Variants in BRPF3 observed in about 807,000 individuals in gnomAD.
BRPF3 encodes bromodomain and PHD finger-containing protein 3.
A neutral mutation model predicts 102.0 loss-of-function variants in BRPF3; 18 were observed. The ratio of observed to expected loss-of-function variants is 0.18; its 90% CI spans 0.12 to 0.26. The LOEUF is 0.26. Ranked by LOEUF, BRPF3 falls within the 10% of genes least tolerant of loss-of-function variation. BRPF3 has a pLI of 1.00. For synonymous variants in BRPF3, 570 were observed against 614.2 expected, an observed-to-expected ratio of 0.93 and a Z score of 1.06; for missense variants, 1,147 against 1,567.8, an observed-to-expected ratio of 0.73 and a Z score of 4.53.
intron 7 of BRPF3, 34 bp downstream of exon 7, chr6:36,211,594 AG>A (rs1332355864): frequency 1.9e-6 from 3 of 1,540,502 alleles, no homozygotes; most frequent in Non-Finnish European, 2.6e-6. Context: ...AGGGGGTTGG[AG>A]GGTAAAGAGG....
At position 36,210,594 on chromosome 6, in the gene BRPF3, G is replaced by GT; in HGVS notation, c.2179+67dup. ...GAGGCACAGGAACAGAGTCTACAGAGTGAGGGATCAGGGTGGTCCTTGGGG... is the reference window on the plus strand; with the variant it reads ...GAGGCACAGGAACAGAGTCTACAGAGTTGAGGGATCAGGGTGGTCCTTGGGG... On this transcript the variant is annotated intron_variant, in intron 6 of 12. Transcript: ENST00000357641. The surrounding 1 kb of genome is among the most constrained non-coding windows in gnomAD (Gnocchi z 4.7). The GT allele has an allele frequency of 6.8e-7, 1 of 1,473,702 alleles. No homozygotes were observed. Among genetic ancestry groups the GT allele is most frequent in the East Asian group, 2.3e-5 (1 of 44,008 alleles). 91.3% of individuals were successfully genotyped at this position (1,473,702 alleles called of 1,614,324 possible). A position where few individuals can be genotyped will look rare whatever the true frequency, so the allele number is the denominator to read the frequency against.
In BRPF3 at chr6:36,214,145, C is replaced by T. The variant is rs904675039; in HGVS notation, c.2748C>T (p.Ala916=). Reference sequence around the variant, plus strand: ...CCCTCATGGCCCCTGACACCCCGGCCGGTACCCCACTTAGTGGTGTGGGTC... The same window carrying T: ...CCCTCATGGCCCCTGACACCCCGGCTGGTACCCCACTTAGTGGTGTGGGTC... ...RLSLMAPDTP[A]GTPLSGVGRR... is the part of the protein sequence containing the mutation. Residue 916 remains alanine, a synonymous_variant, in exon 8 of 13, where the codon GCC becomes GCT. Transcript: ENST00000357641. 2.1e-5 allele frequency: 34 copies of T among 1,614,106 alleles called. No individual in the cohort carries two copies. Among genetic ancestry groups the T allele is most frequent in the Middle Eastern group, 1.6e-4 (1 of 6,084 alleles).
intron 7 of BRPF3, among the ~76,000 whole-genome samples, chr6:36,212,245 C>A (rs910775186): frequency 2.8e-4 from 43 of 152,306 alleles, no homozygotes; most frequent in African/African-American, 8.9e-4. Flanking sequence ...TCTCATTCTT[C>A]TCCTTCACTG....
Position 36,201,889 on chromosome 6 carries a change from A to T in BRPF3, c.1448+119A>T. On this transcript the variant is annotated intron_variant, in intron 2 of 12. Coordinates refer to ENST00000357641, the MANE Select transcript of BRPF3 (RefSeq NM_015695.3). The surrounding 1 kb of genome is among the most constrained non-coding windows in gnomAD (Gnocchi z 5.1). ...ACTATATCCTCCTCCCCGAATTTAA[A>T]CTCTTCCTTTTGACCCCAGGCTCAC... is the stretch of plus-strand genomic sequence containing the variant. 7.1e-7 allele frequency: 1 copy of T among 1,410,136 alleles called. No individual in the cohort carries two copies. The highest frequency in any genetic ancestry group is 9.4e-7 in the Non-Finnish European group (1 of 1,060,108). The allele number at this position is 1,410,136 out of a possible 1,614,324, so 87.4% of individuals were successfully genotyped here.
intron 9 of BRPF3, among the ~76,000 whole-genome samples, chr6:36,219,301 C>T (rs1768447907): frequency 6.6e-6 from 1 of 152,016 alleles, no homozygotes; most frequent in African/African-American, 2.4e-5. Context: ...TTGCAGCCTC[C>T]AGAGATATAG....
At chr6:36,207,682 C>A (rs1767953909) in intron 4 of BRPF3, among the ~76,000 whole-genome samples, 1 of 152,166 alleles carries the variant, frequency 6.6e-6, no homozygotes, top group Non-Finnish European at 1.5e-5. Context: ...TATCATATGC[C>A]TGGGCCTGTC....
intron 7 of BRPF3, among the ~76,000 whole-genome samples, chr6:36,213,436 G>A (rs895969263): frequency 2.0e-5 from 3 of 152,174 alleles, no homozygotes; most frequent in African/African-American, 2.4e-5. Context: ...GCTCATCCCT[G>A]TAATCTCAGC....
chr6:36,227,413 A>T (rs1394875918), intron 11 of BRPF3, among the ~76,000 whole-genome samples: 2 of 152,236 alleles, frequency 1.3e-5, no homozygotes, highest in African/African-American at 2.4e-5. Flanking sequence ...GTATGTACAC[A>T]TATGTTAAGT....
intron 7 of BRPF3, among the ~76,000 whole-genome samples, chr6:36,213,306 A>C (rs1768198139): frequency 6.6e-6 from 1 of 152,238 alleles, no homozygotes; most frequent in African/African-American, 2.4e-5. Flanking sequence ...TTCAGTTGGT[A>C]TGGGATGGAG....
At position 36,232,749 on chromosome 6, in the gene BRPF3, A is replaced by G. The variant is rs1473846070; in HGVS notation, c.*2140A>G. 1.3e-5 allele frequency: 2 copies of G among 152,544 alleles called. No individual in the cohort carries two copies. Among genetic ancestry groups the G allele is most frequent in the Non-Finnish European group, 2.9e-5 (2 of 68,046 alleles). 9.4% of individuals were successfully genotyped at this position (152,544 alleles called of 1,614,324 possible). On this transcript the variant is annotated 3_prime_UTR_variant, in exon 13 of 13. Coordinates refer to ENST00000357641, the MANE Select transcript of BRPF3 (RefSeq NM_015695.3). The stretch of plus-strand genomic sequence containing the variant: ...ACCTACTATAATATGACTGTCTGAA[A>G]CTTATTTTCTCTCTGAGAAATAAAT...
At chr6:36,224,053 T>TA (rs1253149930) in intron 10 of BRPF3, among the ~76,000 whole-genome samples, 1 of 152,222 alleles carries the variant, frequency 6.6e-6, no homozygotes, top group African/African-American at 2.4e-5. Context: ...CTTATAATTT[T>TA]AATACATTTT....
intron 4 of BRPF3, among the ~76,000 whole-genome samples, chr6:36,208,681 A>G (rs1314553059): frequency 6.6e-6 from 1 of 152,178 alleles, no homozygotes; most frequent in Non-Finnish European, 1.5e-5. Context: ...TGTCCCAGGC[A>G]TGATCCCACA....
chr6:36,208,796 AT>A (rs1347632261), intron 4 of BRPF3, among the ~76,000 whole-genome samples: 1 of 152,208 alleles, frequency 6.6e-6, no homozygotes, highest in Non-Finnish European at 1.5e-5. Flanking sequence ...AAAGGTGGAA[AT>A]TTTCTATAGT....
chr6:36,210,506 T>C lies in BRPF3; in HGVS notation c.2157T>C (p.Phe719=), dbSNP rs200936593. 89 of 1,596,488 alleles carry C rather than the reference T, an allele frequency of 5.6e-5. No individual in the cohort carries two copies. The highest frequency in any genetic ancestry group is 1.3e-4 in the East Asian group (6 of 44,788). The change falls in exon 6 of 13, where the codon TTT becomes TTC. Residue 719 remains phenylalanine (F), a synonymous_variant. Coordinates refer to ENST00000357641, the MANE Select transcript of BRPF3 (RefSeq NM_015695.3). The surrounding 1 kb of genome is among the most constrained non-coding windows in gnomAD (Gnocchi z 4.7). ...CCGAGTCACCCAAATTGGAAGACTTTTACCGCTTCTCCTGGGAAGACGGTG... is the reference window on the plus strand; with the variant it reads ...CCGAGTCACCCAAATTGGAAGACTTCTACCGCTTCTCCTGGGAAGACGGTG... ...HLPESPKLED[F]YRFSWEDVDN... is the part of the protein sequence containing the mutation.
intron 9 of BRPF3, 58 bp from the exon 10 acceptor site, chr6:36,222,110 C>T (rs2301422): frequency 6.7e-7 from 1 of 1,502,464 alleles, no homozygotes. Context: ...GAAGGGGAGT[C>T]GGCGTTTTAG....
At position 36,207,294 on chromosome 6, in the gene BRPF3, C is replaced by T. The variant is rs78874446; in HGVS notation, c.1606-19C>T. 1 of 1,609,498 alleles carries T rather than the reference C, an allele frequency of 6.2e-7. No individual in the cohort carries two copies. Among genetic ancestry groups the T allele is most frequent in the Admixed American group, 1.7e-5 (1 of 59,826 alleles). On this transcript the variant is annotated intron_variant, in intron 3 of 12. Coordinates refer to ENST00000357641, the MANE Select transcript of BRPF3 (RefSeq NM_015695.3). ...TGCAAGAAGGAGGTTCCTAGTCCCT[C>T]TTCTCTTCCCTCCTGTAGCGAGAGC...
At chr6:36,223,278 T>C (rs2127295583) in intron 10 of BRPF3, among the ~76,000 whole-genome samples, 1 of 152,352 alleles carries the variant, frequency 6.6e-6, no homozygotes, top group East Asian at 1.9e-4. Flanking sequence ...TTCTTTCTCG[T>C]ATGTGTGTTG....
intron 7 of BRPF3, 79 bp from the exon 8 acceptor site, chr6:36,213,801 G>C: frequency 7.0e-7 from 1 of 1,433,980 alleles, no homozygotes; most frequent in Non-Finnish European, 9.4e-7. Context: ...TTTGGTCCTT[G>C]GTTGTCAGTG....
At chr6:36,211,709 A>C (rs1464411172) in intron 7 of BRPF3, 149 bp downstream of exon 7, 1 of 858,082 alleles carries the variant, frequency 1.2e-6, no homozygotes, top group Non-Finnish European at 1.8e-6. Context: ...ACTTCCATGT[A>C]TACGCAGGGA....
Sources: gnomAD v4.1 joint callset for allele counts (sites outside exome capture counted in the v4.1 genomes callset) on GRCh38, gnomAD v4.1.1 for gene constraint, Gnocchi (gnomAD v3.1) non-coding constraint, MANE v1.5 for transcripts, NCBI Gene and HGNC (gene_info 2026-07-23, HGNC 2026-07-21) for gene names.